Variants in ADD2 observed in about 807,000 individuals in gnomAD.
ADD2 encodes adducin 2.
In ADD2, 23 loss-of-function variants were observed where a neutral mutation model predicts 83.0. The observed-to-expected ratio is 0.28, with a 90% CI of 0.20 to 0.39. The LOEUF is 0.39. Ranked by LOEUF, ADD2 falls within the 10% of genes least tolerant of loss-of-function variation. ADD2 has a pLI of 1.00. For missense variants in ADD2, 758 were observed against 944.9 expected, an observed-to-expected ratio of 0.80 and a Z score of 2.59; for synonymous variants, 375 against 375.4, an observed-to-expected ratio of 1.00 and a Z score of 0.01.
rs1553378038 is a variant in ADD2 at position 70,725,319 on chromosome 2, C to T, written c.-153-12135G>A. 1.7e-4 allele frequency among the ~76,000 whole-genome samples: 26 copies of T among 152,052 alleles called. 1 individual carries two copies. The highest frequency in any genetic ancestry group is 2.9e-5 in the Non-Finnish European group (2 of 68,008). The stretch of plus-strand genomic sequence containing the variant: ...CTGGACTAGCTGAAGAAGTTGAGCG[C>T]AAGTGAGGACCTGGGAAGAATGCTG... On this transcript the variant is annotated intron_variant, in intron 1 of 15. Coordinates refer to ENST00000264436, the MANE Select transcript of ADD2 (RefSeq NM_001617.4).
At chr2:70,679,082 C>T (rs1670329245) in intron 10 of ADD2, 121 bp from the exon 11 acceptor site, 3 of 1,199,228 alleles carry the variant, frequency 2.5e-6, no homozygotes, top group Non-Finnish European at 3.5e-6. Context: ...ACCCAAATCT[C>T]CATTAAACAA....
At chr2:70,710,448 C>T (rs1672124549) in intron 2 of ADD2, among the ~76,000 whole-genome samples, 1 of 152,242 alleles carries the variant, frequency 6.6e-6, no homozygotes, top group Non-Finnish European at 1.5e-5. Context: ...GCCCCAGGGC[C>T]TGCCTTCCCT....
Position 70,675,476 on chromosome 2 carries a change from G to A in ADD2, c.1594-651C>T, listed in dbSNP as rs782213704. The A allele has an allele frequency of 7.9e-5, 78 of 985,340 alleles. No homozygotes were observed. The Middle Eastern group carries it at 2.1e-3, about 26-fold the overall frequency. The allele number at this position is 985,340 out of a possible 1,614,324, so 61.0% of individuals were successfully genotyped here. A position where few individuals can be genotyped will look rare whatever the true frequency, so the allele number is the denominator to read the frequency against. ...GGGTTTTGCCACCTCTGTGGAGCCC[G>A]TGGTTCTAGGGAGCTGACCAGCCGG... On this transcript the variant is annotated intron_variant, in intron 13 of 15. Transcript: ENST00000264436.
intron 15 of ADD2, among the ~76,000 whole-genome samples, chr2:70,670,790 C>A (rs1343594595): frequency 6.6e-6 from 1 of 152,190 alleles, no homozygotes; most frequent in Non-Finnish European, 1.5e-5. Context: ...AGGCTTCACA[C>A]CGGGCTCCCC....
chr2:70,688,822 C>T (rs940769824), intron 8 of ADD2, among the ~76,000 whole-genome samples: 6 of 152,114 alleles, frequency 3.9e-5, no homozygotes, highest in East Asian at 1.9e-4. Flanking sequence ...AAGTCTCAGC[C>T]GTGGTGGGTC....
At position 70,737,474 on chromosome 2, in the gene ADD2, G is replaced by A. The variant is rs1339308977; in HGVS notation, c.-153-24290C>T. Among the ~76,000 whole-genome samples the A allele has an allele frequency of 4.7e-5, 7 of 149,146 alleles. No individual in the cohort carries two copies. In the South Asian group the frequency reaches 1.3e-3, roughly 27 times the overall value. ...ATCATTCTCAGCAGACTATCGCAAG[G>A]ACAAAAAACCAAACACTGCATGTTC... On this transcript the variant is annotated intron_variant, in intron 1 of 15. Transcript: ENST00000264436.
chr2:70,749,559 C>T (rs1014609595), intron 1 of ADD2, among the ~76,000 whole-genome samples: 25 of 152,192 alleles, frequency 1.6e-4, no homozygotes, highest in African/African-American at 4.8e-4. Flanking sequence ...AAAAAAAAAC[C>T]GCATTTCCCA....
At chr2:70,707,358 G>A (rs782288044) in intron 2 of ADD2, among the ~76,000 whole-genome samples, 2 of 152,250 alleles carry the variant, frequency 1.3e-5, no homozygotes, top group Non-Finnish European at 2.9e-5. Context: ...CCCACGTGCT[G>A]CGTGTAAACC....
intron 1 of ADD2, among the ~76,000 whole-genome samples, chr2:70,723,937 G>A (rs781792181): frequency 6.6e-6 from 1 of 152,230 alleles, no homozygotes; most frequent in Non-Finnish European, 1.5e-5. Flanking sequence ...TCACCACTTA[G>A]AAAAGGGCAT....
intron 4 of ADD2, among the ~76,000 whole-genome samples, chr2:70,703,306 G>A (rs1437366190): frequency 6.6e-6 from 1 of 152,140 alleles, no homozygotes; most frequent in South Asian, 2.1e-4. Context: ...AACCTCATCA[G>A]TAGTCAAACA....
At chr2:70,719,519 T>C (rs1574285304) in intron 1 of ADD2, among the ~76,000 whole-genome samples, 1 of 152,172 alleles carries the variant, frequency 6.6e-6, no homozygotes, top group Non-Finnish European at 1.5e-5. Context: ...GTGGACCTCA[T>C]GCCTTCATGA....
chr2:70,683,030 T>TTA (rs1485186310), intron 10 of ADD2, among the ~76,000 whole-genome samples: 1 of 149,318 alleles, frequency 6.7e-6, no homozygotes, highest in Middle Eastern at 3.4e-3. Context: ...ACCTTTTTTT[T>TTA]TTTTTTTTTT....
At chr2:70,747,121 C>T (rs981037408) in intron 1 of ADD2, among the ~76,000 whole-genome samples, 4 of 151,202 alleles carry the variant, frequency 2.6e-5, no homozygotes, top group Non-Finnish European at 4.4e-5. Flanking sequence ...CGCCATTCTC[C>T]TGCCTCAGCC....
rs1204444534 is a variant in ADD2, at chr2:70,662,861, C to G, written c.*564G>C. On this transcript the variant is annotated 3_prime_UTR_variant, in exon 16 of 16. Coordinates refer to ENST00000264436, the MANE Select transcript of ADD2 (RefSeq NM_001617.4). ...GGGGTAGTACAAGCTAAGCCATCAG[C>G]CCTTGGGAACAAAGATTACTTTCTG... The G allele has an allele frequency of 6.5e-6, 1 of 153,928 alleles. No homozygotes were observed. Among genetic ancestry groups the G allele is most frequent in the Non-Finnish European group, 1.4e-5 (1 of 69,358 alleles). The allele number at this position is 153,928 out of a possible 1,614,324, so 9.5% of individuals were successfully genotyped here.
chr2:70,673,817 G>A (rs1553367653), intron 14 of ADD2, among the ~76,000 whole-genome samples: 4 of 152,048 alleles, frequency 2.6e-5, no homozygotes, highest in South Asian at 2.1e-4. Context: ...GACTGGTCTC[G>A]AACTGCTGAC....
At chr2:70,689,273 T>TCTTC (rs1670904487) in intron 8 of ADD2, among the ~76,000 whole-genome samples, 1 of 152,220 alleles carries the variant, frequency 6.6e-6, no homozygotes. Flanking sequence ...TTCAACTGCA[T>TCTTC]CTTCCCTCTG....
rs964828450 is a variant in ADD2, at chr2:70,661,097, C to T, written c.*2328G>A. 1 of 152,172 alleles carries T rather than the reference C, an allele frequency of 6.6e-6. No individual in the cohort carries two copies. Among genetic ancestry groups the T allele is most frequent in the Non-Finnish European group, 1.5e-5 (1 of 68,044 alleles). The allele number at this position is 152,172 out of a possible 1,614,324, so 9.4% of individuals were successfully genotyped here. A position where few individuals can be genotyped will look rare whatever the true frequency, so the allele number is the denominator to read the frequency against. On this transcript the variant is annotated 3_prime_UTR_variant, in exon 16 of 16. Transcript: ENST00000264436. The stretch of plus-strand genomic sequence containing the variant: ...AGAATAATGCTGCAGCAAGACTCCA[C>T]CCAATGAGGCCTAAGTGAGGCCTCA...
intron 1 of ADD2, chr2:70,717,904 G>A (rs1487646213): frequency 6.6e-6 from 1 of 152,122 alleles, no homozygotes; most frequent in Non-Finnish European, 1.5e-5. Context: ...TTCTAGATTA[G>A]GTATTAACTG....
intron 13 of ADD2, chr2:70,675,395 C>T: frequency 3.0e-6 from 3 of 985,658 alleles, no homozygotes; most frequent in Non-Finnish European, 3.6e-6. Flanking sequence ...TCCTGAGTCT[C>T]AGATCTTCAA....
Sources: gnomAD v4.1 joint callset for allele counts (sites outside exome capture counted in the v4.1 genomes callset) on GRCh38, gnomAD v4.1.1 for gene constraint, MANE v1.5 for transcripts, NCBI Gene and HGNC (gene_info 2026-07-23, HGNC 2026-07-21) for gene names.